Variants in ATP6V1B2 observed in about 807,000 individuals in gnomAD.
ATP6V1B2 encodes the protein ATPase H+ transporting V1 subunit B2, also known as V-type proton ATPase subunit B, brain isoform.
ATP6V1B2 carries 23 observed loss-of-function variants against 66.7 expected under a neutral mutation model. The observed-to-expected ratio is 0.34, with a 90% CI of 0.25 to 0.49. The LOEUF (loss-of-function observed/expected upper bound fraction) is 0.49. Among genes scored for constraint, ATP6V1B2 ranks in the 20% least tolerant of loss-of-function variants. The pLI is 0.99. For synonymous variants in ATP6V1B2, 278 were observed against 236.7 expected, an observed-to-expected ratio of 1.17 and a Z score of -1.60; for missense variants, 478 against 650.8, an observed-to-expected ratio of 0.73 and a Z score of 2.89.
intron 8 of ATP6V1B2, 115 bp downstream of exon 8, chr8:20,212,314 C>G: frequency 1.0e-6 from 1 of 959,744 alleles, no homozygotes. Flanking sequence ...ATGAGGTAAC[C>G]CTGTATTTAA....
intron 5 of ATP6V1B2, 122 bp from the exon 6 acceptor site, chr8:20,211,055 A>G (rs1299472024): frequency 8.7e-6 from 11 of 1,260,362 alleles, no homozygotes; most frequent in Admixed American, 3.0e-5. Flanking sequence ...TAGTAAAGAG[A>G]TGCTTTATGT....
chr8:20,208,205 A>G (rs2072757221), intron 2 of ATP6V1B2, among the ~76,000 whole-genome samples: 1 of 152,174 alleles, frequency 6.6e-6, no homozygotes, highest in Non-Finnish European at 1.5e-5. Context: ...GCATGCTTGT[A>G]TGAGGAGCCC....
chr8:20,204,453 C>A, intron 1 of ATP6V1B2, 31 bp from the exon 2 acceptor site: 1 of 1,596,104 alleles, frequency 6.3e-7, no homozygotes, highest in Non-Finnish European at 8.6e-7. Context: ...TGCTATTTGA[C>A]TAAAACTGAC....
In ATP6V1B2 at chr8:20,211,172, A is replaced by G. The variant is rs11991034; in HGVS notation, c.464-5A>G. The G allele has an allele frequency of 3.0e-3, 4,857 of 1,609,408 alleles. 135 individuals are homozygous for G. In the African/African-American group the frequency reaches 0.057, roughly 19 times the overall value. On this transcript the variant is annotated splice_polypyrimidine_tract_variant and splice_region_variant and intron_variant, in intron 5 of 13. Coordinates refer to ENST00000276390, the MANE Select transcript of ATP6V1B2 (RefSeq NM_001693.4). ...TTGAAATTTTCCTTTTTGGAAATACATTAGGTCAGCCAATCAACCCTCAAT... is the reference window on the plus strand; with the variant it reads ...TTGAAATTTTCCTTTTTGGAAATACGTTAGGTCAGCCAATCAACCCTCAAT...
At position 20,214,899 on chromosome 8, in the gene ATP6V1B2, C is replaced by G; in HGVS notation, c.1009C>G (p.Arg337Gly). The change falls in exon 10 of 14, where the codon CGC (arginine) becomes GGC (glycine). Residue 337 changes from arginine (R) to glycine (G), a missense_variant. Physicochemically the swap from Arg to Gly is moderately radical, Grantham distance 125 (BLOSUM62 -2). This residue lies in a region of ATP6V1B2 where 326 missense variants were observed against 545.6 expected (regional missense o/e 0.60). Transcript: ENST00000276390. ...MYTDLATIYE[R>G]AGRVEGRNGS... is the part of the protein sequence containing the mutation. ...TACAGATTTAGCCACGATATATGAA[C>G]GCGCTGGGCGAGTGGAAGGGAGAAA... 1 of 1,613,566 alleles carries G rather than the reference C, an allele frequency of 6.2e-7. No individual in the cohort carries two copies.
At chr8:20,207,415 A>G (rs1451760455) in intron 2 of ATP6V1B2, among the ~76,000 whole-genome samples, 1 of 152,166 alleles carries the variant, frequency 6.6e-6, no homozygotes, top group African/African-American at 2.4e-5. Flanking sequence ...AAAATTCCAG[A>G]TGAATTAAAG....
At chr8:20,210,245 A>T (rs192932150) in intron 3 of ATP6V1B2, 101 bp from the exon 4 acceptor site, 1 of 880,736 alleles carries the variant, frequency 1.1e-6, no homozygotes, top group East Asian at 2.6e-5. Context: ...GTATACATTC[A>T]TGGGTTTTAC....
chr8:20,204,455 A>G (rs1388898335), intron 1 of ATP6V1B2, 29 bp from the exon 2 acceptor site: 2 of 1,599,700 alleles, frequency 1.3e-6, no homozygotes, highest in East Asian at 2.2e-5. Flanking sequence ...CTATTTGACT[A>G]AAACTGACTC....
At chr8:20,217,190 T>A in intron 11 of ATP6V1B2, 30 bp from the exon 12 acceptor site, 1 of 1,539,882 alleles carries the variant, frequency 6.5e-7, no homozygotes, top group Non-Finnish European at 9.0e-7. Flanking sequence ...TACTTAAATA[T>A]AGTATTTTTT....
At chr8:20,218,459 T>C (rs2072876257) in intron 13 of ATP6V1B2, among the ~76,000 whole-genome samples, 177 bp downstream of exon 13, 1 of 152,170 alleles carries the variant, frequency 6.6e-6, no homozygotes, top group Admixed American at 6.5e-5. Flanking sequence ...CTAAACATCT[T>C]GGGAGATCTT....
At chr8:20,211,071 T>C in intron 5 of ATP6V1B2, 106 bp from the exon 6 acceptor site, 1 of 1,411,620 alleles carries the variant, frequency 7.1e-7, no homozygotes, top group Non-Finnish European at 9.6e-7. Context: ...TATGTAGTTC[T>C]GGTCTTCTGG....
At chr8:20,203,108 G>T (rs1426782062) in intron 1 of ATP6V1B2, among the ~76,000 whole-genome samples, 1 of 152,154 alleles carries the variant, frequency 6.6e-6, no homozygotes, top group African/African-American at 2.4e-5. Flanking sequence ...GGCAAATGGG[G>T]TCTTTCTAGT....
chr8:20,216,662 G>A (rs572660172), intron 11 of ATP6V1B2, 167 bp downstream of exon 11: 16 of 554,018 alleles, frequency 2.9e-5, no homozygotes, highest in Non-Finnish European at 4.0e-5. Context: ...TTCTGGTGTC[G>A]GCAGAGCGCC....
rs2072780883 is a variant in ATP6V1B2, at chr8:20,210,393, G to A, written c.339G>A (p.Glu113=). ...SGIDAKKTSC[E]FTGDILRTPV... Reference sequence around the variant, plus strand: ...TAGATGCTAAGAAAACGTCCTGTGAGTTTACTGGGGATATTCTCCGAACAC... The same window carrying A: ...TAGATGCTAAGAAAACGTCCTGTGAATTTACTGGGGATATTCTCCGAACAC... The change falls in exon 4 of 14, where the codon GAG becomes GAA. Residue 113 remains glutamate, a synonymous_variant. Transcript: ENST00000276390. 5.0e-6 allele frequency: 8 copies of A among 1,613,664 alleles called. No individual in the cohort carries two copies. The highest frequency in any genetic ancestry group is 2.2e-5 in the East Asian group (1 of 44,862).
At chr8:20,211,565 C>A in intron 6 of ATP6V1B2, 87 bp from the exon 7 acceptor site, 1 of 1,420,254 alleles carries the variant, frequency 7.0e-7, no homozygotes, top group East Asian at 2.4e-5. Flanking sequence ...TTTATGATTA[C>A]GATTCCAAAA....
At position 20,212,192 on chromosome 8, in the gene ATP6V1B2, G is replaced by T; in HGVS notation, c.796G>T (p.Asp266Tyr). The T allele has an allele frequency of 6.2e-7, 1 of 1,613,248 alleles. No homozygotes were observed. The highest frequency in any genetic ancestry group is 1.1e-5 in the South Asian group (1 of 91,042). ...CTGCCTCTTTTTGAACTTGGCTAAT[G>T]ACCCAACGTAAGTAACAGAGCTATT... ...NVCLFLNLAN[D>Y]PTIERIITPR... The change falls in exon 8 of 14, where the codon GAC (aspartate) becomes TAC (tyrosine). Residue 266 changes from aspartate (D) to tyrosine (Y), a missense_variant. Asp to Tyr is a radical substitution (Grantham distance 160). Coordinates refer to ENST00000276390, the MANE Select transcript of ATP6V1B2 (RefSeq NM_001693.4).
At position 20,211,187 on chromosome 8, in the gene ATP6V1B2, C is replaced by G. The variant is rs371308628; in HGVS notation, c.474C>G (p.Ile158Met). 6.2e-6 allele frequency: 10 copies of G among 1,611,882 alleles called. No homozygotes were observed. Among genetic ancestry groups the G allele is most frequent in the Non-Finnish European group, 7.6e-6 (9 of 1,179,346 alleles). The change falls in exon 6 of 14, where the codon ATC becomes ATG. Residue 158 changes from isoleucine (I) to methionine (M), a missense_variant. By Grantham distance (10) the Ile-to-Met change is conservative. Coordinates refer to ENST00000276390, the MANE Select transcript of ATP6V1B2 (RefSeq NM_001693.4). ...EDFLDIMGQP[I>M]NPQCRIYPEE... The stretch of plus-strand genomic sequence containing the variant: ...TTGGAAATACATTAGGTCAGCCAAT[C>G]AACCCTCAATGTCGAATCTACCCAG...
chr8:20,212,990 T>C (rs559401402), intron 9 of ATP6V1B2, 85 bp downstream of exon 9: 9 of 1,544,866 alleles, frequency 5.8e-6, no homozygotes, highest in South Asian at 3.5e-5. Flanking sequence ...TTTCATTCTT[T>C]ATGGTTTTTT....
chr8:20,211,642 T>G lies in ATP6V1B2; in HGVS notation c.604-10T>G, dbSNP rs778815381. Reference sequence around the variant, plus strand: ...AGATTTCAACTGAATTCTTCTACTTTGTTCATCAGATTGCAGCTCAGATCT... The same window carrying G: ...AGATTTCAACTGAATTCTTCTACTTGGTTCATCAGATTGCAGCTCAGATCT... On this transcript the variant is annotated splice_polypyrimidine_tract_variant and intron_variant, in intron 6 of 13. Transcript: ENST00000276390. The G allele has an allele frequency of 3.8e-6, 6 of 1,599,478 alleles. No individual in the cohort carries two copies. The South Asian group carries it at 5.7e-5, about 15-fold the overall frequency.
Sources: allele counts gnomAD v4.1 joint callset (sites outside exome capture counted in the v4.1 genomes callset), GRCh38; gene constraint gnomAD v4.1.1; regional missense constraint gnomAD v4.1.1; transcripts MANE v1.5; gene names NCBI Gene and HGNC (gene_info 2026-07-23, HGNC 2026-07-21).